Variants in FSTL5 observed in about 807,000 individuals in gnomAD.
FSTL5 encodes follistatin-related protein 5.
In FSTL5, 62 loss-of-function variants were observed where a neutral mutation model predicts 89.1. That is an observed-to-expected ratio of 0.70 (90% CI 0.57 to 0.86). The LOEUF is 0.86. FSTL5 is among the 40% of genes least tolerant of loss of function. The pLI is 0.00. For missense variants in FSTL5, 1,057 were observed against 1,001.6 expected (o/e 1.06, Z -0.75); for synonymous variants, 383 against 346.2 (o/e 1.11, Z -1.18).
intron 3 of FSTL5, among the ~76,000 whole-genome samples, chr4:161,938,807 ATT>A (rs1003057349): frequency 3.9e-5 from 6 of 151,988 alleles, no homozygotes; most frequent in African/African-American, 1.4e-4. Flanking sequence ...ATGAATAAGC[ATT>A]GTCTTTATTT....
chr4:161,987,620 T>C (rs1736003245), intron 3 of FSTL5, among the ~76,000 whole-genome samples: 1 of 147,364 alleles, frequency 6.8e-6, no homozygotes, highest in Non-Finnish European at 1.5e-5. Flanking sequence ...ATATAATAAA[T>C]GTATATAATG....
At chr4:161,542,094 C>T (rs1225971203) in intron 9 of FSTL5, among the ~76,000 whole-genome samples, 3 of 151,626 alleles carry the variant, frequency 2.0e-5, no homozygotes, top group Non-Finnish European at 4.4e-5. Context: ...TATTCTTCTC[C>T]CTTCATTTAC....
At chr4:161,699,101 G>C (rs1169188589) in intron 6 of FSTL5, among the ~76,000 whole-genome samples, 1 of 152,060 alleles carries the variant, frequency 6.6e-6, no homozygotes, top group African/African-American at 2.4e-5. Flanking sequence ...TAGCTAGCTG[G>C]GTGACTTTGA....
chr4:161,845,828 T>G (rs938240431), intron 4 of FSTL5, among the ~76,000 whole-genome samples: 1 of 152,078 alleles, frequency 6.6e-6, no homozygotes, highest in Admixed American at 6.6e-5. Context: ...GGAGGGTCCC[T>G]AGAGGTCAGG....
intron 3 of FSTL5, among the ~76,000 whole-genome samples, chr4:161,925,610 C>T (rs1734099457): frequency 6.6e-6 from 1 of 151,746 alleles, no homozygotes; most frequent in Non-Finnish European, 1.5e-5. Context: ...ATAATGATAT[C>T]ATGTGGTTGT....
chr4:161,565,989 C>T (rs1732786364), intron 8 of FSTL5, among the ~76,000 whole-genome samples: 1 of 150,384 alleles, frequency 6.6e-6, no homozygotes, highest in Non-Finnish European at 1.5e-5. Context: ...GAGAAATCGC[C>T]ACAGTTTTCC....
intron 6 of FSTL5, among the ~76,000 whole-genome samples, chr4:161,705,954 A>AGATGTGTGTG (rs1560800183): frequency 1.5e-4 from 4 of 27,330 alleles, no homozygotes; most frequent in African/African-American, 7.8e-4. Context: ...AGATGTGTGT[A>AGATGTGTGTG]TATATATATA....
chr4:162,108,709 G>A (rs1368306073), intron 2 of FSTL5, among the ~76,000 whole-genome samples: 2 of 151,426 alleles, frequency 1.3e-5, no homozygotes, highest in Non-Finnish European at 2.9e-5. Context: ...AAAATTTGAA[G>A]TATTGTGCTG....
intron 2 of FSTL5, among the ~76,000 whole-genome samples, chr4:162,040,508 G>T (rs1279272851): frequency 2.0e-5 from 3 of 151,820 alleles, no homozygotes; most frequent in African/African-American, 7.3e-5. Flanking sequence ...TTTGGCGGTG[G>T]CAATTAAATT....
intron 15 of FSTL5, among the ~76,000 whole-genome samples, chr4:161,420,939 A>T (rs1480886042): frequency 6.6e-6 from 1 of 151,876 alleles, no homozygotes; most frequent in Non-Finnish European, 1.5e-5. Context: ...CTAGAGAAAC[A>T]AGATTAATAT....
At chr4:161,785,963 G>A (rs1579091838) in intron 4 of FSTL5, among the ~76,000 whole-genome samples, 1 of 152,048 alleles carries the variant, frequency 6.6e-6, no homozygotes, top group African/African-American at 2.4e-5. Context: ...ATGAAATACA[G>A]GATTTCTTCT....
rs931269098 is a variant in FSTL5, at chr4:162,067,641, G to A, written c.127-33983C>T. Reference sequence around the variant, plus strand: ...CTGGAAGCATTCCCCTTAAAAACCAGCACAAGACAAAGATGACCTCTCTTA... The same window carrying A: ...CTGGAAGCATTCCCCTTAAAAACCAACACAAGACAAAGATGACCTCTCTTA... On this transcript the variant is annotated intron_variant, in intron 2 of 15. Transcript: ENST00000306100. 3.3e-5 allele frequency among the ~76,000 whole-genome samples: 5 copies of A among 151,936 alleles called. No homozygotes were observed. The East Asian group carries it at 7.8e-4, about 24-fold the overall frequency.
Position 161,759,606 on chromosome 4 carries a change from T to C in FSTL5, c.607-75A>G, listed in dbSNP as rs1454321396. The C allele has an allele frequency of 9.9e-6, 9 of 909,692 alleles. No individual in the cohort carries two copies. In the East Asian group the frequency reaches 3.0e-4, roughly 30 times the overall value. The allele number at this position is 909,692 out of a possible 1,614,324, so 56.4% of individuals were successfully genotyped here. On this transcript the variant is annotated intron_variant, in intron 5 of 15. Coordinates refer to ENST00000306100, the MANE Select transcript of FSTL5 (RefSeq NM_020116.5). ...CTATAATATAATTTATTATATGTAA[T>C]AATCACATAATAGTTCATTTCATGT...
intron 8 of FSTL5, among the ~76,000 whole-genome samples, chr4:161,549,463 G>C (rs1312931190): frequency 2.0e-5 from 3 of 151,714 alleles, no homozygotes; most frequent in Non-Finnish European, 4.4e-5. Flanking sequence ...GATGTAGCCG[G>C]GTGACTTGTG....
At chr4:161,427,025 T>C (rs138040644) in intron 15 of FSTL5, among the ~76,000 whole-genome samples, 324 of 152,268 alleles carry the variant, frequency 2.1e-3, no homozygotes, top group Admixed American at 3.7e-3. Context: ...GTGTTACTAA[T>C]ATGCAGGTAT....
chr4:161,975,236 A>T (rs1191051759), intron 3 of FSTL5, among the ~76,000 whole-genome samples: 18 of 142,852 alleles, frequency 1.3e-4, no homozygotes, highest in Non-Finnish European at 2.3e-4. Flanking sequence ...CATTTGACCC[A>T]GCCATCCCAT....
Position 161,920,473 on chromosome 4 carries a change from C to T in FSTL5, c.340G>A (p.Val114Met). 1.9e-6 allele frequency: 3 copies of T among 1,613,950 alleles called. No homozygotes were observed. The highest frequency in any genetic ancestry group is 1.7e-6 in the Non-Finnish European group (2 of 1,179,930). ...DGEFYENHCE[V>M]HRAACLKKQK... ...TTTTTCAGGCAAGCAGCTCTGTGCA[C>T]TTCACAGTGGTTTTCATAGAATTCT... Residue 114 changes from valine to methionine, a missense_variant, in exon 4 of 16, where the codon GTG becomes ATG. Val to Met is a conservative substitution (Grantham distance 21). This residue lies in a region of FSTL5 where 980 missense variants were observed against 903.2 expected (regional missense o/e 1.08). Coordinates refer to ENST00000306100, the MANE Select transcript of FSTL5 (RefSeq NM_020116.5).
intron 6 of FSTL5, among the ~76,000 whole-genome samples, chr4:161,702,571 T>C (rs901253800): frequency 1.3e-5 from 2 of 152,164 alleles, no homozygotes; most frequent in Non-Finnish European, 2.9e-5. Flanking sequence ...ATCATTGTGA[T>C]AATAACAGAT....
intron 1 of FSTL5, among the ~76,000 whole-genome samples, chr4:162,147,858 A>G (rs909455999): frequency 6.6e-6 from 1 of 152,108 alleles, no homozygotes; most frequent in Non-Finnish European, 1.5e-5. Context: ...ACAAAAAATT[A>G]GCTGGGCGTG....
Sources: gnomAD v4.1 joint callset for allele counts (sites outside exome capture counted in the v4.1 genomes callset) on GRCh38, gnomAD v4.1.1 for gene constraint, gnomAD v4.1.1 regional missense constraint, MANE v1.5 for transcripts, NCBI Gene and HGNC (gene_info 2026-07-23, HGNC 2026-07-21) for gene names.